Variants in RPS6KC1 observed in about 807,000 individuals in gnomAD.
RPS6KC1 encodes ribosomal protein S6 kinase C1, also known as inactive ribosomal protein S6 kinase delta-1.
RPS6KC1 carries 54 observed loss-of-function variants against 103.8 expected under a neutral mutation model. That is an observed-to-expected ratio of 0.52 (90% CI 0.42 to 0.65). RPS6KC1 has a LOEUF of 0.65. RPS6KC1 is among the 30% of genes least tolerant of loss of function. RPS6KC1 has a pLI of 0.00. For missense variants in RPS6KC1, 1,151 were observed against 1,253.8 expected, an observed-to-expected ratio of 0.92 and a Z score of 1.24; for synonymous variants, 439 against 438.7, an observed-to-expected ratio of 1.00 and a Z score of -0.01.
chr1:213,173,246 ATGG>A (rs2091616944), intron 7 of RPS6KC1, among the ~76,000 whole-genome samples: 1 of 152,194 alleles, frequency 6.6e-6, no homozygotes, highest in African/African-American at 2.4e-5. Flanking sequence ...ATTTTATTTC[ATGG>A]TCTTTCTTTG....
chr1:213,241,540 A>T lies in RPS6KC1; in HGVS notation c.2064A>T (p.Arg688Ser), dbSNP rs1373890310. The change falls in exon 11 of 15, where the codon AGA becomes AGT. Residue 688 changes from arginine to serine, a missense_variant. By Grantham distance (110) the Arg-to-Ser change is moderately radical. This residue lies in a region of RPS6KC1 where 959 missense variants were observed against 1,006.3 expected (regional missense o/e 0.95). Transcript: ENST00000366960. ...FDDVSGTDEG[R>S]PDLLVNLPGE... ...ATGTCAGTGGTACTGATGAAGGAAG[A>T]CCTGATCTTCTTGTAAATTTACCTG... is the stretch of plus-strand genomic sequence containing the variant. 3 of 1,614,000 alleles carry T rather than the reference A, an allele frequency of 1.9e-6. No homozygotes were observed. Among genetic ancestry groups the T allele is most frequent in the Non-Finnish European group, 2.5e-6 (3 of 1,179,934 alleles).
At chr1:213,291,251 T>C in the RPS6KC1 span, among the ~76,000 whole-genome samples, 1 of 152,216 alleles carries the variant, frequency 6.6e-6, no homozygotes, top group South Asian at 2.1e-4. Flanking sequence ...GAAGGGTAGA[T>C]TCCTTCCAAC....
At position 213,184,611 on chromosome 1, in the gene RPS6KC1, A is replaced by T. The variant is rs73091597; in HGVS notation, c.1044+8119A>T. On this transcript the variant is annotated intron_variant, in intron 8 of 14. Transcript: ENST00000366960. The stretch of plus-strand genomic sequence containing the variant: ...AAATTATTTGAAATTTTTCTTTTTT[A>T]AAAAAATTGGGCATTTATTGCTATA... Among the ~76,000 whole-genome samples the T allele has an allele frequency of 9.3e-3, 1,411 of 151,962 alleles. 22 individuals are homozygous for T. Among genetic ancestry groups the T allele is most frequent in the African/African-American group, 0.032 (1,339 of 41,468 alleles).
chr1:213,648,507 G>A, the RPS6KC1 span, among the ~76,000 whole-genome samples: 340 of 152,186 alleles, frequency 2.2e-3, 1 homozygote, highest in African/African-American at 7.9e-3. Context: ...AGAGATCAGA[G>A]AGTTTCATCC....
the RPS6KC1 span, among the ~76,000 whole-genome samples, chr1:213,478,348 A>G: frequency 6.6e-6 from 1 of 152,112 alleles, no homozygotes; most frequent in Admixed American, 6.5e-5. Context: ...TATGGATATA[A>G]TTTTTTAACT....
At chr1:213,387,264 G>A in the RPS6KC1 span, among the ~76,000 whole-genome samples, 143 of 152,288 alleles carry the variant, frequency 9.4e-4, 1 homozygote, top group African/African-American at 3.2e-3. Context: ...GAATCTTAGG[G>A]CATTTTCTGT....
At chr1:213,364,165 G>A in the RPS6KC1 span, among the ~76,000 whole-genome samples, 1 of 152,140 alleles carries the variant, frequency 6.6e-6, no homozygotes, top group Non-Finnish European at 1.5e-5. Context: ...AATGGATGTG[G>A]CTGTGTTTCA....
At chr1:213,227,218 C>G (rs1433079224) in intron 8 of RPS6KC1, among the ~76,000 whole-genome samples, 1 of 152,160 alleles carries the variant, frequency 6.6e-6, no homozygotes, top group Non-Finnish European at 1.5e-5. Flanking sequence ...TAGTTTTTAT[C>G]TTTATGGAGA....
At chr1:213,619,597 G>A in the RPS6KC1 span, among the ~76,000 whole-genome samples, 1 of 152,288 alleles carries the variant, frequency 6.6e-6, no homozygotes, top group South Asian at 2.1e-4. Flanking sequence ...GAGAGAGTGG[G>A]GATTAGGAAG....
chr1:213,801,605 C>T, the RPS6KC1 span, among the ~76,000 whole-genome samples: 2 of 148,478 alleles, frequency 1.3e-5, no homozygotes, highest in African/African-American at 5.2e-5. Flanking sequence ...TTGTATGAGA[C>T]AGTTTTCTTT....
At chr1:213,153,286 C>T (rs943579386) in intron 6 of RPS6KC1, among the ~76,000 whole-genome samples, 13 of 145,944 alleles carry the variant, frequency 8.9e-5, no homozygotes, top group South Asian at 2.2e-4. Context: ...CAAAGGCAGG[C>T]GCAGAGGCAG....
At chr1:213,752,360 GAAA>G in the RPS6KC1 span, among the ~76,000 whole-genome samples, 1 of 140,514 alleles carries the variant, frequency 7.1e-6, no homozygotes, top group Non-Finnish European at 1.6e-5. Flanking sequence ...ATATGTAAAA[GAAA>G]AAAAAAAAGG....
the RPS6KC1 span, among the ~76,000 whole-genome samples, chr1:213,594,392 A>G: frequency 6.6e-6 from 1 of 152,354 alleles, no homozygotes; most frequent in South Asian, 2.1e-4. Flanking sequence ...ATAGAGGGGT[A>G]AAATAAGATA....
At chr1:213,659,427 G>T in the RPS6KC1 span, among the ~76,000 whole-genome samples, 11 of 152,108 alleles carry the variant, frequency 7.2e-5, no homozygotes, top group Non-Finnish European at 1.3e-4. Context: ...ATAAAATTTA[G>T]ATTCAAGAAA....
chr1:213,710,533 A>G, the RPS6KC1 span, among the ~76,000 whole-genome samples: 1 of 152,106 alleles, frequency 6.6e-6, no homozygotes, highest in Non-Finnish European at 1.5e-5. Flanking sequence ...TAATATTGTT[A>G]TGTGTGAATT....
At chr1:213,543,432 G>A in the RPS6KC1 span, among the ~76,000 whole-genome samples, 1 of 152,218 alleles carries the variant, frequency 6.6e-6, no homozygotes, top group Admixed American at 6.5e-5. Flanking sequence ...TTGGGGCTAT[G>A]TGGGAGGGAG....
chr1:213,622,422 TC>T, the RPS6KC1 span, among the ~76,000 whole-genome samples: 1 of 152,102 alleles, frequency 6.6e-6, no homozygotes. Context: ...TTCTCCCATG[TC>T]AGTGGGCCGG....
At chr1:213,628,509 G>A in the RPS6KC1 span, among the ~76,000 whole-genome samples, 1 of 151,760 alleles carries the variant, frequency 6.6e-6, no homozygotes, top group South Asian at 2.1e-4. Context: ...TAAGTTTTAG[G>A]GTACATATGC....
At chr1:213,743,313 G>A in the RPS6KC1 span, among the ~76,000 whole-genome samples, 125,137 of 152,134 alleles carry the variant, frequency 0.82, 52,075 homozygotes, top group African/African-American at 0.95. Flanking sequence ...ATGTGTTCTC[G>A]CTTACAAAGG....
Sources: allele counts gnomAD v4.1 joint callset (sites outside exome capture counted in the v4.1 genomes callset), GRCh38; gene constraint gnomAD v4.1.1; regional missense constraint gnomAD v4.1.1; transcripts MANE v1.5; gene names NCBI Gene and HGNC (gene_info 2026-07-23, HGNC 2026-07-21).